The following FAM13A variants were observed in gnomAD, a reference collection of about 807,000 sequenced individuals.
FAM13A encodes the protein family with sequence similarity 13 member A.
In FAM13A, 76 loss-of-function variants were observed where a neutral mutation model predicts 129.6. The ratio of observed to expected loss-of-function variants is 0.59; its 90% CI spans 0.49 to 0.71. The LOEUF is 0.71. FAM13A is among the 30% of genes least tolerant of loss of function. The pLI is 0.00. For synonymous variants in FAM13A, 443 were observed against 449.9 expected (o/e 0.98, Z 0.20); for missense variants, 1,108 against 1,249.3 (o/e 0.89, Z 1.70).
chr4:89,007,187 T>C (rs1418988011), intron 3 of FAM13A, among the ~76,000 whole-genome samples: 3 of 152,114 alleles, frequency 2.0e-5, no homozygotes, highest in Non-Finnish European at 4.4e-5. Flanking sequence ...ACATTTCCCT[T>C]AAAAAGATGG....
chr4:88,837,286 C>T (rs541689768), intron 7 of FAM13A, among the ~76,000 whole-genome samples: 29 of 151,786 alleles, frequency 1.9e-4, no homozygotes, highest in South Asian at 1.3e-3. Context: ...TGAGCCACTG[C>T]GCCTGACCAA....
rs1327675093 is a variant in FAM13A at position 88,851,023 on chromosome 4, G to A, written c.1004C>T (p.Pro335Leu). 1.2e-6 allele frequency: 2 copies of A among 1,613,332 alleles called. No homozygotes were observed. Among genetic ancestry groups the A allele is most frequent in the South Asian group, 2.2e-5 (2 of 91,032 alleles). The change falls in exon 7 of 24, where the codon CCC becomes CTC. Residue 335 changes from proline (P) to leucine (L), a missense_variant. By Grantham distance (98) the Pro-to-Leu change is moderately conservative. Around this residue, in one of 3 missense-constraint regions of FAM13A, gnomAD observed 566 missense variants for 595.7 expected, o/e 0.95. Transcript: ENST00000264344. ...TAGATAAAGAAAACATGCCAACCTG[G>A]GTACCAACTTGGCACTAATAGCACC... Reference protein sequence around the residue: ...AEGAISAKLVPSSQEDERPLS... With the variant: ...AEGAISAKLVLSSQEDERPLS...
intron 13 of FAM13A, among the ~76,000 whole-genome samples, chr4:88,765,584 A>G (rs192093232): frequency 3.9e-4 from 59 of 152,366 alleles, no homozygotes; most frequent in Non-Finnish European, 6.5e-4. Context: ...AATAACTAAC[A>G]GCACACTGAA....
At chr4:88,836,687 G>A (rs1272865612) in intron 7 of FAM13A, among the ~76,000 whole-genome samples, 7 of 152,130 alleles carry the variant, frequency 4.6e-5, no homozygotes, top group African/African-American at 7.2e-5. Context: ...GTCCAGGTGC[G>A]GTGGCTCATG....
rs1278371408 is a variant in FAM13A, at chr4:88,896,091, TA to T, written c.843+10287del. 2.6e-5 allele frequency among the ~76,000 whole-genome samples: 4 copies of T among 151,136 alleles called. No homozygotes were observed. The South Asian group carries it at 6.4e-4, about 24-fold the overall frequency. On this transcript the variant is annotated intron_variant, in intron 6 of 23. Transcript: ENST00000264344. The stretch of plus-strand genomic sequence containing the variant: ...TACACCATGGAATACTATGCAGCCA[TA>T]AAAAATGATTAGTTCATGTCCTTTG...
intron 7 of FAM13A, among the ~76,000 whole-genome samples, chr4:88,808,262 G>A (rs982173357): frequency 5.9e-5 from 9 of 151,936 alleles, no homozygotes; most frequent in Admixed American, 4.6e-4. Context: ...CATTGACTTC[G>A]AAGGTAATTT....
chr4:88,802,494 T>C (rs1488636885), intron 8 of FAM13A, among the ~76,000 whole-genome samples: 2 of 152,120 alleles, frequency 1.3e-5, no homozygotes, highest in African/African-American at 4.8e-5. Context: ...AAAATATGAG[T>C]GTGTGTCTAT....
chr4:88,963,126 T>C (rs1758858802), intron 4 of FAM13A, among the ~76,000 whole-genome samples: 1 of 152,218 alleles, frequency 6.6e-6, no homozygotes, highest in South Asian at 2.1e-4. Flanking sequence ...CTAATGTTAC[T>C]TAAAAAAAAT....
At chr4:88,742,742 C>A (rs1189646100) in intron 19 of FAM13A, among the ~76,000 whole-genome samples, 1 of 152,096 alleles carries the variant, frequency 6.6e-6, no homozygotes, top group African/African-American at 2.4e-5. Context: ...ACAGGAAAAC[C>A]GTTTGAGTTG....
intron 5 of FAM13A, among the ~76,000 whole-genome samples, chr4:88,929,180 G>GTT (rs34612690): frequency 2.5e-4 from 37 of 150,348 alleles, no homozygotes; most frequent in Non-Finnish European, 2.8e-4. Flanking sequence ...TTGGCTGATA[G>GTT]TTTTTTTTTT....
intron 7 of FAM13A, among the ~76,000 whole-genome samples, chr4:88,823,826 T>C (rs1394384735): frequency 6.6e-6 from 1 of 152,208 alleles, no homozygotes; most frequent in Non-Finnish European, 1.5e-5. Flanking sequence ...GCTCCACTTC[T>C]GGGGAGGATA....
rs1230725972 is a variant in FAM13A, at chr4:88,948,880, TAC to T, written c.606-10641_606-10640del. On this transcript the variant is annotated intron_variant, in intron 4 of 23. Transcript: ENST00000264344. ...GATACATTTTATAGCATGTAGATTG[TAC>T]TTCAGGAAAACTAACTCTCTAAAAT... Among the ~76,000 whole-genome samples the T allele has an allele frequency of 5.3e-5, 8 of 152,314 alleles. No homozygotes were observed. In the South Asian group the frequency reaches 1.7e-3, roughly 32 times the overall value.
intron 1 of FAM13A, among the ~76,000 whole-genome samples, chr4:89,051,828 T>C (rs959367371): frequency 1.3e-5 from 2 of 152,168 alleles, no homozygotes; most frequent in African/African-American, 2.4e-5. Flanking sequence ...AAAATTTCAT[T>C]AGATCTTAAG....
At chr4:88,977,162 G>T (rs2148971382) in intron 4 of FAM13A, among the ~76,000 whole-genome samples, 1 of 152,208 alleles carries the variant, frequency 6.6e-6, no homozygotes, top group South Asian at 2.1e-4. Context: ...TAGTAAAATA[G>T]AACAATTACA....
At position 88,748,821 on chromosome 4, in the gene FAM13A, T is replaced by C. The variant is rs114793274; in HGVS notation, c.2161+131A>G. On this transcript the variant is annotated intron_variant, in intron 17 of 23. Transcript: ENST00000264344. The stretch of plus-strand genomic sequence containing the variant: ...GACCTGGGGAAGTGGTCACTCTGAA[T>C]AGCTGAGAGTGCTGGGAAGCATCTT... 1.2e-3 allele frequency: 879 copies of C among 743,786 alleles called. 8 individuals carry two copies. The African/African-American group carries it at 0.013, about 11-fold the overall frequency. 46.1% of individuals were successfully genotyped at this position (743,786 alleles called of 1,614,324 possible). A position where few individuals can be genotyped will look rare whatever the true frequency, so the allele number is the denominator to read the frequency against.
At chr4:88,826,856 C>T (rs1040363073) in intron 7 of FAM13A, among the ~76,000 whole-genome samples, 1 of 152,140 alleles carries the variant, frequency 6.6e-6, no homozygotes, top group African/African-American at 2.4e-5. Flanking sequence ...GAAGCCTGGT[C>T]TCTCCTACAT....
chr4:88,950,107 C>G (rs1381471662), intron 4 of FAM13A, among the ~76,000 whole-genome samples: 4 of 151,928 alleles, frequency 2.6e-5, no homozygotes, highest in African/African-American at 4.8e-5. Context: ...ATGTTTCAAT[C>G]TATTTTAGAC....
At chr4:88,798,205 T>G (rs1027763469) in intron 8 of FAM13A, among the ~76,000 whole-genome samples, 3 of 152,186 alleles carry the variant, frequency 2.0e-5, no homozygotes, top group Non-Finnish European at 1.5e-5. Context: ...ATTTTATGAT[T>G]ATGCTGGAGA....
chr4:88,901,460 A>G (rs987109922), intron 6 of FAM13A, among the ~76,000 whole-genome samples: 1 of 152,220 alleles, frequency 6.6e-6, no homozygotes, highest in African/African-American at 2.4e-5. Context: ...CAGTGCAATC[A>G]AATTAGAACT....
Sources: gnomAD v4.1 joint callset for allele counts (sites outside exome capture counted in the v4.1 genomes callset) on GRCh38, gnomAD v4.1.1 for gene constraint, gnomAD v4.1.1 regional missense constraint, MANE v1.5 for transcripts, NCBI Gene and HGNC (gene_info 2026-07-23, HGNC 2026-07-21) for gene names.